Variants in RPS6KA2 observed in about 807,000 individuals in gnomAD.
RPS6KA2 encodes ribosomal protein S6 kinase alpha-2.
RPS6KA2 carries 42 observed loss-of-function variants against 91.8 expected under a neutral mutation model. The ratio of observed to expected loss-of-function variants is 0.46; its 90% CI spans 0.36 to 0.59. The LOEUF (loss-of-function observed/expected upper bound fraction) is 0.59, where lower values mean the gene tolerates loss of function less well. Among genes scored for constraint, RPS6KA2 ranks in the 20% least tolerant of loss-of-function variants. The pLI is 0.00. For synonymous variants in RPS6KA2, 414 were observed against 393.6 expected (o/e 1.05, Z -0.61); for missense variants, 798 against 978.5 (o/e 0.82, Z 2.46).
intron 11 of RPS6KA2, among the ~76,000 whole-genome samples, chr6:166,461,486 G>C (rs969221774): frequency 7.6e-5 from 11 of 144,050 alleles, no homozygotes; most frequent in Non-Finnish European, 1.5e-4. Flanking sequence ...GAGAGCAAGC[G>C]AGGGAGAGAG....
chr6:166,759,493 G>A (rs1464345234), intron 2 of RPS6KA2, among the ~76,000 whole-genome samples: 1 of 152,174 alleles, frequency 6.6e-6, no homozygotes, highest in Non-Finnish European at 1.5e-5. Context: ...AACACGGGGA[G>A]ATTAATAGAA....
chr6:166,773,647 G>A (rs1209588527), intron 2 of RPS6KA2, among the ~76,000 whole-genome samples: 1 of 152,174 alleles, frequency 6.6e-6, no homozygotes, highest in African/African-American at 2.4e-5. Context: ...TGATCTGCCT[G>A]CTTTGGCCTC....
At chr6:166,526,087 C>T (rs371384880) in intron 3 of RPS6KA2, among the ~76,000 whole-genome samples, 8 of 149,408 alleles carry the variant, frequency 5.4e-5, no homozygotes, top group Middle Eastern at 3.4e-3. Flanking sequence ...CACATAACTC[C>T]GCTGCATCAT....
At chr6:166,702,722 C>T (rs1304137899) in intron 2 of RPS6KA2, 1 of 1,273,256 alleles carries the variant, frequency 7.9e-7, no homozygotes, top group Non-Finnish European at 1.1e-6. Flanking sequence ...TCCACGAACG[C>T]GTAGCCAATC....
At chr6:166,807,732 C>T (rs1051505126) in intron 2 of RPS6KA2, among the ~76,000 whole-genome samples, 1 of 152,072 alleles carries the variant, frequency 6.6e-6, no homozygotes, top group African/African-American at 2.4e-5. Context: ...AGTGTGCTCC[C>T]GTCTCTGCCT....
chr6:166,477,854 T>C (rs906764612), intron 10 of RPS6KA2, among the ~76,000 whole-genome samples: 1 of 152,024 alleles, frequency 6.6e-6, no homozygotes, highest in African/African-American at 2.4e-5. Context: ...GAGACTGAAG[T>C]GAGTCATGAT....
In RPS6KA2 at chr6:166,852,808, C is replaced by A. The variant is rs1780779882; in HGVS notation, c.123+5392G>T. Reference sequence around the variant, plus strand: ...TGAGGGTCCCTCTGTGACCTCTCAGCTGGTGCTGTGTCTTCAGCACCCTCC... The same window carrying A: ...TGAGGGTCCCTCTGTGACCTCTCAGATGGTGCTGTGTCTTCAGCACCCTCC... On this transcript the variant is annotated intron_variant, in intron 2 of 21. Coordinates refer to the RPS6KA2 transcript ENST00000503859. The surrounding 1 kb of genome is among the most constrained non-coding windows in gnomAD (Gnocchi z 4.1). 6.6e-6 allele frequency among the ~76,000 whole-genome samples: 1 copy of A among 152,150 alleles called. No individual in the cohort carries two copies. Among genetic ancestry groups the A allele is most frequent in the African/African-American group, 2.4e-5 (1 of 41,440 alleles).
chr6:166,539,128 C>A (rs1273093398), intron 1 of RPS6KA2, among the ~76,000 whole-genome samples: 1 of 152,080 alleles, frequency 6.6e-6, no homozygotes, highest in African/African-American at 2.4e-5. Flanking sequence ...CCATGTTGGC[C>A]AGGATGGTCT....
chr6:166,568,018 G>A (rs1466126389), intron 1 of RPS6KA2, among the ~76,000 whole-genome samples: 1 of 152,174 alleles, frequency 6.6e-6, no homozygotes, highest in Non-Finnish European at 1.5e-5. Flanking sequence ...CCTGTCTCAG[G>A]TCTAGGATGG....
In RPS6KA2 at chr6:166,554,321, T is replaced by C. The variant is rs906287399; in HGVS notation, c.100-15537A>G. Among the ~76,000 whole-genome samples, 1 of 152,242 alleles carries C rather than the reference T, an allele frequency of 6.6e-6. No individual in the cohort carries two copies. The highest frequency in any genetic ancestry group is 1.5e-5 in the Non-Finnish European group (1 of 68,040). ...AGCATTTTAGCTTCTGTTTCAAGTC[T>C]TAAGACTAACATATTCCCAGACTGT... On this transcript the variant is annotated intron_variant, in intron 1 of 20. Coordinates refer to ENST00000265678, the MANE Select transcript of RPS6KA2 (RefSeq NM_021135.6). This position sits in a 1 kb window ranked among gnomAD's most constrained non-coding sequence, Gnocchi z 4.3.
At chr6:166,727,680 C>T (rs756898276) in intron 2 of RPS6KA2, among the ~76,000 whole-genome samples, 29 of 152,106 alleles carry the variant, frequency 1.9e-4, no homozygotes, top group Non-Finnish European at 3.4e-4. Flanking sequence ...GCACCAGCAC[C>T]CTAAGTCACC....
At chr6:166,644,092 G>T (rs7755114) in intron 2 of RPS6KA2, among the ~76,000 whole-genome samples, 44 of 152,096 alleles carry the variant, frequency 2.9e-4, no homozygotes, top group Non-Finnish European at 5.0e-4. Flanking sequence ...GCAGAATGAG[G>T]ATTAACTTGT....
intron 5 of RPS6KA2, among the ~76,000 whole-genome samples, chr6:166,507,305 C>T (rs550976679): frequency 7.2e-5 from 11 of 151,914 alleles, no homozygotes; most frequent in South Asian, 2.1e-4. Context: ...CCACCTGGGA[C>T]GATTGCTAGG....
chr6:166,472,105 T>C (rs1583178711), intron 10 of RPS6KA2, among the ~76,000 whole-genome samples: 1 of 152,232 alleles, frequency 6.6e-6, no homozygotes, highest in Admixed American at 6.5e-5. Context: ...GACCCTCCTC[T>C]GAAGTGTGCC....
chr6:166,529,297 C>CATTCAG (rs1269351749), intron 3 of RPS6KA2, among the ~76,000 whole-genome samples: 2 of 152,184 alleles, frequency 1.3e-5, no homozygotes, highest in Admixed American at 1.3e-4. Flanking sequence ...TGGAAGCCAT[C>CATTCAG]ATTCTGAGCA....
chr6:166,563,380 T>C lies in RPS6KA2; in HGVS notation c.100-24596A>G, dbSNP rs1583282434. On this transcript the variant is annotated intron_variant, in intron 1 of 20. Transcript: ENST00000265678. The surrounding 1 kb of genome is among the most constrained non-coding windows in gnomAD (Gnocchi z 4.1). ...ACCTGTTCCCGGCTTTTCCTCCCAGTCTCCTGGGCTCGCCGCCAGCGGTGG... is the reference window on the plus strand; with the variant it reads ...ACCTGTTCCCGGCTTTTCCTCCCAGCCTCCTGGGCTCGCCGCCAGCGGTGG... 6.6e-6 allele frequency among the ~76,000 whole-genome samples: 1 copy of C among 152,132 alleles called. No homozygotes were observed. The highest frequency in any genetic ancestry group is 6.5e-5 in the Admixed American group (1 of 15,286).
intron 2 of RPS6KA2, among the ~76,000 whole-genome samples, chr6:166,801,240 C>T (rs1296742629): frequency 6.6e-6 from 1 of 151,968 alleles, no homozygotes; most frequent in Non-Finnish European, 1.5e-5. Flanking sequence ...AAACATAAAA[C>T]ATAAAGATAG....
At chr6:166,620,479 G>T (rs983108136) in intron 1 of RPS6KA2, among the ~76,000 whole-genome samples, 1 of 152,138 alleles carries the variant, frequency 6.6e-6, no homozygotes, top group Non-Finnish European at 1.5e-5. Flanking sequence ...CTATTACCAC[G>T]AATTATGTTT....
chr6:166,640,396 C>T (rs536495721), intron 2 of RPS6KA2, among the ~76,000 whole-genome samples: 4 of 152,306 alleles, frequency 2.6e-5, no homozygotes, highest in East Asian at 1.9e-4. Context: ...TTGATGAACA[C>T]GTAAAAGCCA....
Sources: allele counts gnomAD v4.1 joint callset (sites outside exome capture counted in the v4.1 genomes callset), GRCh38; gene constraint gnomAD v4.1.1; non-coding constraint Gnocchi (gnomAD v3.1); transcripts MANE v1.5; gene names NCBI Gene and HGNC (gene_info 2026-07-23, HGNC 2026-07-21).